The following CLDND1 variants were observed in gnomAD, a reference collection of about 807,000 sequenced individuals.
The protein encoded by CLDND1 is claudin domain-containing protein 1.
Under a neutral mutation model 26.3 loss-of-function variants are expected in CLDND1, and 13 were observed. That is an observed-to-expected ratio of 0.49 (90% confidence interval 0.32 to 0.78). CLDND1 has a LOEUF of 0.78. Among genes scored for constraint, CLDND1 ranks in the 30% least tolerant of loss-of-function variants. The pLI, the probability that CLDND1 is intolerant of heterozygous loss-of-function variation, is 0.03. For missense variants in CLDND1, 289 were observed against 312.8 expected (o/e 0.92, Z 0.57); for synonymous variants, 107 against 107.0 (o/e 1.00, Z 0.00).
At chr3:98,519,970 C>G (rs942329276) in intron 2 of CLDND1, among the ~76,000 whole-genome samples, 3 of 152,208 alleles carry the variant, frequency 2.0e-5, no homozygotes, top group Admixed American at 2.0e-4. Context: ...TATTCCTTTT[C>G]CCACATATTT....
rs940326671 is a variant in CLDND1 at position 98,522,792 on chromosome 3, G to A, written c.-19+57C>T. 9.3e-6 allele frequency: 15 copies of A among 1,613,158 alleles called. No individual in the cohort carries two copies. The East Asian group carries it at 2.7e-4, about 29-fold the overall frequency. ...GAAGGGGGCCCCTCTTCAAACCGCC[G>A]GGAACATGGAACCGCGACGCGACCC... On this transcript the variant is annotated intron_variant, in intron 1 of 4. Transcript: ENST00000341181.
In CLDND1 at chr3:98,515,855, G is replaced by C; in HGVS notation, c.*804C>G. On this transcript the variant is annotated 3_prime_UTR_variant, in exon 5 of 5. Transcript: ENST00000341181. The stretch of plus-strand genomic sequence containing the variant: ...GGGCTGGAATAAATAAATAGCAGTT[G>C]AGGAATTTTACCTTGTAACTGTAAT... The C allele has an allele frequency of 1.6e-6, 2 of 1,288,614 alleles. No homozygotes were observed. Among genetic ancestry groups the C allele is most frequent in the Non-Finnish European group, 2.0e-6 (2 of 988,060 alleles). 79.8% of individuals were successfully genotyped at this position (1,288,614 alleles called of 1,614,324 possible).
chr3:98,517,493 C>A (rs890073529), intron 3 of CLDND1: 1 of 282,520 alleles, frequency 3.5e-6, no homozygotes, highest in Non-Finnish European at 6.6e-6. Flanking sequence ...AGTCAGCCCT[C>A]CATATCTGCA....
chr3:98,520,959 TG>T, intron 2 of CLDND1, 173 bp downstream of exon 2: 1 of 616,452 alleles, frequency 1.6e-6, no homozygotes, highest in East Asian at 2.7e-5. Flanking sequence ...ATGAGTACCA[TG>T]GTAATGCAAA....
intron 2 of CLDND1, among the ~76,000 whole-genome samples, chr3:98,519,974 C>A (rs1706332569): frequency 1.3e-5 from 2 of 152,222 alleles, no homozygotes; most frequent in South Asian, 4.1e-4. Context: ...CCTTTTCCCA[C>A]ATATTTCCAA....
chr3:98,522,835 T>G lies in CLDND1; in HGVS notation c.-19+14A>C. The G allele has an allele frequency of 6.2e-7, 1 of 1,613,594 alleles. No individual in the cohort carries two copies. Among genetic ancestry groups the G allele is most frequent in the South Asian group, 1.1e-5 (1 of 91,068 alleles). ...CGCGACCCCTGCCCGGCGACGCAGG[T>G]CCCGCTCACTCACCGCCCATCCTCC... On this transcript the variant is annotated intron_variant, in intron 1 of 4. Transcript: ENST00000341181.
chr3:98,517,191 T>C lies in CLDND1; in HGVS notation c.404-2A>G. ...AAAGGAACTGGCAACGCCAAAGATC[T>C]GATTTTTAAAAAGAGAGAAAAGAAA... On this transcript the variant is annotated splice_acceptor_variant, in intron 3 of 4. Transcript: ENST00000341181. LOFTEE classifies it high-confidence loss of function. 1 of 1,605,864 alleles carries C rather than the reference T, an allele frequency of 6.2e-7. No homozygotes were observed. Among genetic ancestry groups the C allele is most frequent in the Non-Finnish European group, 8.5e-7 (1 of 1,178,032 alleles).
At position 98,515,662 on chromosome 3, in the gene CLDND1, A is replaced by G. The variant is rs925448182; in HGVS notation, c.*997T>C. On this transcript the variant is annotated 3_prime_UTR_variant, in exon 5 of 5. Coordinates refer to ENST00000341181, the MANE Select transcript of CLDND1 (RefSeq NM_001040181.2). ...AAATGACTGAATTAGAAGACATTAA[A>G]TAATGTTGATACACACCAGGAAGGG... is the stretch of plus-strand genomic sequence containing the variant. The G allele has an allele frequency of 4.0e-6, 5 of 1,237,400 alleles. No homozygotes were observed. In the Admixed American group the frequency reaches 1.4e-4, roughly 36 times the overall value. The allele number at this position is 1,237,400 out of a possible 1,614,324, so 76.7% of individuals were successfully genotyped here. A position where few individuals can be genotyped will look rare whatever the true frequency, so the allele number is the denominator to read the frequency against.
intron 2 of CLDND1, among the ~76,000 whole-genome samples, chr3:98,519,470 G>T (rs928261110): frequency 6.6e-6 from 1 of 152,186 alleles, no homozygotes; most frequent in African/African-American, 2.4e-5. Context: ...TCCAGCTGCT[G>T]CTCAGTGCTA....
rs199842020 is a variant in CLDND1 at position 98,522,829 on chromosome 3, C to T, written c.-19+20G>A. On this transcript the variant is annotated intron_variant, in intron 1 of 4. Transcript: ENST00000341181. The stretch of plus-strand genomic sequence containing the variant: ...CCGCGACGCGACCCCTGCCCGGCGA[C>T]GCAGGTCCCGCTCACTCACCGCCCA... 59 of 1,613,614 alleles carry T rather than the reference C, an allele frequency of 3.7e-5. No individual in the cohort carries two copies. The highest frequency in any genetic ancestry group is 5.0e-5 in the Non-Finnish European group (59 of 1,179,748).
chr3:98,517,394 G>T (rs1291265046), intron 3 of CLDND1: 3 of 583,226 alleles, frequency 5.1e-6, no homozygotes, highest in African/African-American at 3.8e-5. Context: ...ACAGGTAGTA[G>T]CAATTACTGA....
Position 98,516,469 on chromosome 3 carries a change from T to A in CLDND1, c.*190A>T. 1 of 1,375,688 alleles carries A rather than the reference T, an allele frequency of 7.3e-7. No homozygotes were observed. 85.2% of individuals were successfully genotyped at this position (1,375,688 alleles called of 1,614,324 possible). A position where few individuals can be genotyped will look rare whatever the true frequency, so the allele number is the denominator to read the frequency against. On this transcript the variant is annotated 3_prime_UTR_variant, in exon 5 of 5. Transcript: ENST00000341181. ...AGTTTATTTGAAAGATGGCATCGCT[T>A]AAAGTAAACCACATAAATTTTAGTG... is the stretch of plus-strand genomic sequence containing the variant.
Position 98,516,821 on chromosome 3 carries a change from C to A in CLDND1, c.600G>T (p.Gln200His). Residue 200 changes from glutamine (Q) to histidine (H), a missense_variant, in exon 5 of 5, where the codon CAG becomes CAT. Transcript: ENST00000341181. Reference protein sequence around the residue: ...CYVAGIELLHQKLELPDNVSG... With the variant: ...CYVAGIELLHHKLELPDNVSG... ...ATACATTGTCAGGGAGCTCTAGTTT[C>A]TGGTGGAGTAGTTCAATTCCAGCAA... 1.2e-6 allele frequency: 2 copies of A among 1,614,150 alleles called. No homozygotes were observed. The highest frequency in any genetic ancestry group is 1.7e-6 in the Non-Finnish European group (2 of 1,180,012).
At chr3:98,522,734 C>A (rs1706481370) in intron 1 of CLDND1, 115 bp downstream of exon 1, 4 of 1,583,998 alleles carry the variant, frequency 2.5e-6, no homozygotes, top group Non-Finnish European at 3.4e-6. Flanking sequence ...ACAAATCCGC[C>A]GCTCGGAACC....
chr3:98,521,505 T>G, intron 1 of CLDND1, 63 bp from the exon 2 acceptor site: 1 of 1,530,390 alleles, frequency 6.5e-7, no homozygotes, highest in Non-Finnish European at 9.0e-7. Flanking sequence ...AAGATTATTT[T>G]GAATTATTCC....
chr3:98,522,507 AAAATCCCCCCTTC>A, intron 1 of CLDND1: 2 of 1,201,986 alleles, frequency 1.7e-6, no homozygotes, highest in Non-Finnish European at 2.1e-6. Flanking sequence ...TGATTTTTTA[AAAATCCCCCCTTC>A]ATCCTGGTGC....
At position 98,515,768 on chromosome 3, in the gene CLDND1, G is replaced by T. The variant is rs1234400365; in HGVS notation, c.*891C>A. On this transcript the variant is annotated 3_prime_UTR_variant, in exon 5 of 5. Coordinates refer to ENST00000341181, the MANE Select transcript of CLDND1 (RefSeq NM_001040181.2). ...AGGTTAATGGACAGCCAGAACTTTA[G>T]ATCTTGTGGTAGGTTTCCCAGCTCT... The T allele has an allele frequency of 1.6e-6, 2 of 1,289,786 alleles. No homozygotes were observed. The highest frequency in any genetic ancestry group is 2.5e-5 in the South Asian group (2 of 81,032). 79.9% of individuals were successfully genotyped at this position (1,289,786 alleles called of 1,614,324 possible).
intron 2 of CLDND1, 73 bp downstream of exon 2, chr3:98,521,060 T>C (rs773126574): frequency 1.5e-4 from 200 of 1,291,476 alleles, no homozygotes; most frequent in Non-Finnish European, 1.8e-4. Flanking sequence ...TTACATGTAA[T>C]TGGGCAATCA....
Position 98,521,159 on chromosome 3 carries a change from T to G in CLDND1, c.266A>C (p.His89Pro). ...TGTCCTTTCTGGTGGGCTATACCAATGCATGTTTTTGGGTATGGTGATACA... is the reference window on the plus strand; with the variant it reads ...TGTCCTTTCTGGTGGGCTATACCAAGGCATGTTTTTGGGTATGGTGATACA... The part of the protein sequence containing the change: ...RRCITIPKNM[H>P]WYSPPERTES... The change falls in exon 2 of 5, where the codon CAT becomes CCT. Residue 89 changes from histidine (H) to proline (P), a missense_variant. Transcript: ENST00000341181. 1.9e-6 allele frequency: 3 copies of G among 1,613,864 alleles called. No homozygotes were observed. Among genetic ancestry groups the G allele is most frequent in the Non-Finnish European group, 2.5e-6 (3 of 1,179,700 alleles).
Sources: allele counts gnomAD v4.1 joint callset (sites outside exome capture counted in the v4.1 genomes callset), GRCh38; gene constraint gnomAD v4.1.1; transcripts MANE v1.5; gene names NCBI Gene and HGNC (gene_info 2026-07-23, HGNC 2026-07-21).